Variants in FBXL13 observed in about 807,000 individuals in gnomAD.
FBXL13 encodes F-box and leucine rich repeat protein 13, also known as F-box and leucine-rich repeat protein 13.
In FBXL13, 67 loss-of-function variants were observed where a neutral mutation model predicts 83.6. The observed-to-expected ratio is 0.80, with a 90% CI of 0.66 to 0.98. The LOEUF (loss-of-function observed/expected upper bound fraction) is 0.98, where lower values mean the gene tolerates loss of function less well. Ranked by LOEUF, FBXL13 falls within the 50% of genes least tolerant of loss-of-function variation. The pLI is 0.00. For missense variants in FBXL13, 822 were observed against 866.5 expected, an observed-to-expected ratio of 0.95 and a Z score of 0.64; for synonymous variants, 272 against 299.5, an observed-to-expected ratio of 0.91 and a Z score of 0.95.
chr7:103,022,517 A>C (rs2129487835), intron 6 of FBXL13, among the ~76,000 whole-genome samples: 1 of 151,400 alleles, frequency 6.6e-6, no homozygotes, highest in Non-Finnish European at 1.5e-5. Flanking sequence ...GAACAGAATA[A>C]AGAGCCCAGA....
At chr7:102,845,825 G>A (rs1464329326) in intron 17 of FBXL13, among the ~76,000 whole-genome samples, 1 of 152,178 alleles carries the variant, frequency 6.6e-6, no homozygotes, top group East Asian at 1.9e-4. Context: ...TGATTTTTCT[G>A]ACAGATAAAC....
chr7:102,885,187 A>T (rs1326202277), intron 11 of FBXL13, among the ~76,000 whole-genome samples: 1 of 152,166 alleles, frequency 6.6e-6, no homozygotes, highest in Non-Finnish European at 1.5e-5. Context: ...TCTATGCTTA[A>T]TTTTTAAGAA....
At chr7:102,923,876 CAT>C (rs1480663735) in intron 10 of FBXL13, among the ~76,000 whole-genome samples, 1 of 152,064 alleles carries the variant, frequency 6.6e-6, no homozygotes, top group South Asian at 2.1e-4. Context: ...AGGAATCACA[CAT>C]GATTTGATAA....
rs562778258 is a variant in FBXL13 at position 102,958,113 on chromosome 7, A to G, written c.724+5420T>C. Among the ~76,000 whole-genome samples the G allele has an allele frequency of 3.9e-5, 6 of 152,288 alleles. No individual in the cohort carries two copies. The South Asian group carries it at 1.2e-3, about 32-fold the overall frequency. ...TATGTTTACTGTGGCACTATTCACA[A>G]TACCAAAGACTTGGAACCAACCCAA... On this transcript the variant is annotated intron_variant, in intron 8 of 19. Transcript: ENST00000313221.
intron 6 of FBXL13, chr7:102,973,521 A>G (rs1277043458): frequency 1.3e-6 from 1 of 763,998 alleles, no homozygotes; most frequent in East Asian, 2.4e-5. Context: ...GCCTGCCTGC[A>G]CCCAGGCGCT....
At chr7:102,950,067 T>G (rs1455016666) in intron 8 of FBXL13, among the ~76,000 whole-genome samples, 1 of 152,010 alleles carries the variant, frequency 6.6e-6, no homozygotes, top group African/African-American at 2.4e-5. Flanking sequence ...ATTGTACCAC[T>G]ATATTCCAGT....
chr7:103,023,042 C>T lies in FBXL13; in HGVS notation c.495+2021G>A, dbSNP rs140307412. On this transcript the variant is annotated intron_variant, in intron 6 of 19. Transcript: ENST00000313221. ...CTGTAATCCCAGCACTTTGGGAGGC[C>T]GAGGCGGGTGGATCACGAGGTCAGG... is the stretch of plus-strand genomic sequence containing the variant. 7.5e-3 allele frequency among the ~76,000 whole-genome samples: 1,145 copies of T among 152,162 alleles called. 79 individuals carry two copies. In the East Asian group the frequency reaches 0.16, roughly 21 times the overall value.
intron 6 of FBXL13, among the ~76,000 whole-genome samples, chr7:103,020,333 T>C (rs1792992410): frequency 6.6e-6 from 1 of 152,142 alleles, no homozygotes; most frequent in African/African-American, 2.4e-5. Flanking sequence ...CTAAAAATAA[T>C]AAGAGCTATT....
chr7:102,917,010 A>T (rs1397151139), intron 10 of FBXL13, among the ~76,000 whole-genome samples: 2 of 152,198 alleles, frequency 1.3e-5, no homozygotes, highest in African/African-American at 4.8e-5. Context: ...GTATTTAAAT[A>T]AAAAATTCTC....
At chr7:103,055,779 T>G (rs911967634) in intron 1 of FBXL13, 32 bp from the exon 2 acceptor site, 2 of 1,014,798 alleles carry the variant, frequency 2.0e-6, no homozygotes, top group Non-Finnish European at 2.6e-6. Context: ...GCATCAATGT[T>G]TCTGAATTTT....
At chr7:103,027,399 A>C (rs756207436) in intron 5 of FBXL13, 50 bp downstream of exon 6, 1 of 1,285,248 alleles carries the variant, frequency 7.8e-7, no homozygotes, top group South Asian at 1.3e-5. Flanking sequence ...GGCAACATGA[A>C]TATAACTGAA....
chr7:103,028,775 A>G lies in FBXL13; in HGVS notation c.69-27T>C, dbSNP rs1794203724. ...TGCAGGCAGAAGACATTTTTTAAAAAATAATATTTTGATATTAGGGCAATA... is the reference window on the plus strand; with the variant it reads ...TGCAGGCAGAAGACATTTTTTAAAAGATAATATTTTGATATTAGGGCAATA... On this transcript the variant is annotated intron_variant, in intron 3 of 19. Transcript: ENST00000313221. 2.0e-6 allele frequency: 3 copies of G among 1,526,200 alleles called. No homozygotes were observed. In the African/African-American group the frequency reaches 4.3e-5, roughly 22 times the overall value. The allele number at this position is 1,526,200 out of a possible 1,614,324, so 94.5% of individuals were successfully genotyped here.
At chr7:102,979,593 C>T (rs948224275) in intron 6 of FBXL13, among the ~76,000 whole-genome samples, 1 of 152,144 alleles carries the variant, frequency 6.6e-6, no homozygotes, top group Non-Finnish European at 1.5e-5. Context: ...AAATTTAAGA[C>T]AGCAAATACC....
chr7:103,034,686 C>T (rs548936871), intron 2 of FBXL13, among the ~76,000 whole-genome samples: 3 of 152,346 alleles, frequency 2.0e-5, no homozygotes, highest in Admixed American at 6.5e-5. Flanking sequence ...CCTAAAGTGC[C>T]GCCAAAGTGG....
At chr7:103,052,291 G>A (rs954321525) in intron 2 of FBXL13, among the ~76,000 whole-genome samples, 2 of 152,098 alleles carry the variant, frequency 1.3e-5, no homozygotes, top group African/African-American at 2.4e-5. Context: ...GTCTCACTAT[G>A]TTGCCCAGGT....
rs188569863 is a variant in FBXL13, at chr7:103,043,267, T to G, written c.-1+12377A>C. 9.9e-4 allele frequency among the ~76,000 whole-genome samples: 150 copies of G among 152,196 alleles called. 1 individual carries two copies. Among genetic ancestry groups the G allele is most frequent in the South Asian group, 4.8e-3 (23 of 4,824 alleles). ...AGAGAAATGCAAATCAAAACCACAA[T>G]GAGATACCATCTCATGCCCATTAGA... On this transcript the variant is annotated intron_variant, in intron 2 of 19. Coordinates refer to ENST00000313221, the Ensembl canonical transcript of FBXL13.
At chr7:103,070,334 C>T (rs993779740) in intron 1 of FBXL13, among the ~76,000 whole-genome samples, 33 of 151,844 alleles carry the variant, frequency 2.2e-4, no homozygotes, top group African/African-American at 7.3e-4. Context: ...TGGGTTCAAG[C>T]GATTCTCATG....
chr7:102,966,652 G>GT (rs1280916740), intron 7 of FBXL13, among the ~76,000 whole-genome samples: 1 of 152,152 alleles, frequency 6.6e-6, no homozygotes, highest in Non-Finnish European at 1.5e-5. Context: ...AGGGTAGGAA[G>GT]TTACACTGCT....
At chr7:102,956,657 CCTT>C (rs1824320040) in intron 8 of FBXL13, among the ~76,000 whole-genome samples, 1 of 152,168 alleles carries the variant, frequency 6.6e-6, no homozygotes. Flanking sequence ...CCCAAAATCT[CCTT>C]AAGGTGATAA....
Sources: gnomAD v4.1 joint callset for allele counts (sites outside exome capture counted in the v4.1 genomes callset) on GRCh38, gnomAD v4.1.1 for gene constraint, MANE v1.5 for transcripts, NCBI Gene and HGNC (gene_info 2026-07-23, HGNC 2026-07-21) for gene names.